The following DHTKD1 variants were observed in gnomAD, a reference collection of about 807,000 sequenced individuals.
The protein encoded by DHTKD1 is dehydrogenase E1 and transketolase domain containing 1.
A neutral mutation model predicts 101.8 loss-of-function variants in DHTKD1; 78 were observed. The ratio of observed to expected loss-of-function variants is 0.77; its 90% CI spans 0.64 to 0.93. The LOEUF (loss-of-function observed/expected upper bound fraction) is 0.93, where lower values mean the gene tolerates loss of function less well. Among genes scored for constraint, DHTKD1 ranks in the 40% least tolerant of loss-of-function variants. The pLI is 0.00. For synonymous variants in DHTKD1, 462 were observed against 450.3 expected (o/e 1.03, Z -0.33); for missense variants, 1,223 against 1,161.7 (o/e 1.05, Z -0.77).
chr10:12,084,908 AG>A (rs1475853020), intron 3 of DHTKD1, among the ~76,000 whole-genome samples, 157 bp downstream of exon 3: 1 of 152,126 alleles, frequency 6.6e-6, no homozygotes, highest in African/African-American at 2.4e-5. Context: ...AAAATTAGCC[AG>A]GCATGCTGGT....
chr10:12,093,834 G>A (rs1368337343), intron 6 of DHTKD1, among the ~76,000 whole-genome samples: 1 of 152,174 alleles, frequency 6.6e-6, no homozygotes, highest in Non-Finnish European at 1.5e-5. Flanking sequence ...TCACTAAGAG[G>A]TAGGAGCCCC....
rs185240347 is a variant in DHTKD1, at chr10:12,084,630, C to T, written c.401C>T (p.Thr134Ile). ...TACTGTGGGCAGATTTCTATTGAAA[C>T]CTCCCAACTTCAGAGCCAGGATGAG... ...QIYCGQISIETSQLQSQDEKD... is the reference protein window; with the variant it reads ...QIYCGQISIEISQLQSQDEKD... Residue 134 changes from threonine to isoleucine, a missense_variant, in exon 3 of 17, where the codon ACC (threonine) becomes ATC (isoleucine). Transcript: ENST00000263035. 1 of 1,613,812 alleles carries T rather than the reference C, an allele frequency of 6.2e-7. No individual in the cohort carries two copies. Among genetic ancestry groups the T allele is most frequent in the Non-Finnish European group, 8.5e-7 (1 of 1,179,728 alleles).
intron 5 of DHTKD1, 133 bp downstream of exon 5, chr10:12,089,388 T>C: frequency 1.1e-6 from 1 of 939,936 alleles, no homozygotes; most frequent in Non-Finnish European, 1.6e-6. Context: ...GATTCTGGGA[T>C]TGTTTTAAAA....
intron 1 of DHTKD1, 34 bp from the exon 2 acceptor site, chr10:12,081,433 CCTAAA>C (rs1423111414): frequency 6.3e-7 from 1 of 1,588,670 alleles, no homozygotes; most frequent in African/African-American, 1.3e-5. Context: ...GTAGTCATCT[CCTAAA>C]CTGTTTGCAT....
Position 12,120,179 on chromosome 10 carries a change from T to C in DHTKD1, c.2573-3T>C, listed in dbSNP as rs1564400756. 1.2e-6 allele frequency: 2 copies of C among 1,612,442 alleles called. No individual in the cohort carries two copies. The highest frequency in any genetic ancestry group is 1.3e-5 in the African/African-American group (1 of 74,974). On this transcript the variant is annotated splice_region_variant and splice_polypyrimidine_tract_variant and intron_variant, in intron 15 of 16. Transcript: ENST00000263035. The stretch of plus-strand genomic sequence containing the variant: ...GGTGCTGAAAGAATTTCTTCTCTCA[T>C]AGATCATATTTGGAGTCAGGAGGAA...
chr10:12,098,342 A>C (rs1309940950), intron 8 of DHTKD1, among the ~76,000 whole-genome samples: 1 of 152,210 alleles, frequency 6.6e-6, no homozygotes, highest in Non-Finnish European at 1.5e-5. Context: ...CTTAAATAAA[A>C]GAAACAAAAG....
At chr10:12,076,147 T>C (rs1832724125) in intron 1 of DHTKD1, among the ~76,000 whole-genome samples, 2 of 152,198 alleles carry the variant, frequency 1.3e-5, no homozygotes, top group Admixed American at 6.5e-5. Flanking sequence ...TTAGAGTGAG[T>C]GCATCAGGCA....
At chr10:12,074,324 G>T (rs991288434) in intron 1 of DHTKD1, among the ~76,000 whole-genome samples, 2 of 152,214 alleles carry the variant, frequency 1.3e-5, no homozygotes, top group Admixed American at 1.3e-4. Flanking sequence ...GAGATCACAG[G>T]CACGTGCCAC....
intron 5 of DHTKD1, among the ~76,000 whole-genome samples, chr10:12,089,560 CCTT>C (rs1253592004): frequency 2.0e-5 from 3 of 151,894 alleles, no homozygotes; most frequent in Admixed American, 6.6e-5. Context: ...GGAAGTATGG[CCTT>C]CTTGGAAACT....
intron 1 of DHTKD1, among the ~76,000 whole-genome samples, chr10:12,075,818 G>T (rs955192157): frequency 1.3e-5 from 2 of 151,568 alleles, no homozygotes; most frequent in East Asian, 3.9e-4. Context: ...GTTGAAGTAC[G>T]TTTTATCTAG....
intron 16 of DHTKD1, among the ~76,000 whole-genome samples, chr10:12,120,543 A>G (rs561157983): frequency 3.8e-4 from 58 of 152,050 alleles, no homozygotes; most frequent in African/African-American, 1.3e-3. Flanking sequence ...TCACCATGTT[A>G]GCCAGGATAG....
At position 12,089,221 on chromosome 10, in the gene DHTKD1, C is replaced by G; in HGVS notation, c.953C>G (p.Ser318Ter). ...RQDGDYSPDNSAQPGDRVICL... is the reference protein window; with the variant it reads ...RQDGDYSPDN The stretch of plus-strand genomic sequence containing the variant: ...GACGGCGATTACTCTCCAGACAACT[C>G]AGCCCAGCCGGGGGACAGGGTCATT... The change falls in exon 5 of 17, where the codon TCA becomes TGA. Residue 318 changes from serine (S) to a stop codon, truncating the protein, a stop_gained. Coordinates refer to ENST00000263035, the MANE Select transcript of DHTKD1 (RefSeq NM_018706.7). LOFTEE classifies it high-confidence loss of function. The G allele has an allele frequency of 1.9e-6, 3 of 1,614,194 alleles. No homozygotes were observed. Among genetic ancestry groups the G allele is most frequent in the Non-Finnish European group, 2.5e-6 (3 of 1,180,050 alleles).
intron 14 of DHTKD1, among the ~76,000 whole-genome samples, chr10:12,118,292 G>A (rs1399409357): frequency 1.3e-5 from 2 of 151,930 alleles, no homozygotes; most frequent in African/African-American, 4.8e-5. Flanking sequence ...CCCAGGAATA[G>A]CCTGTGACTG....
intron 6 of DHTKD1, among the ~76,000 whole-genome samples, chr10:12,093,467 A>AC (rs1353754439): frequency 2.0e-5 from 3 of 152,190 alleles, no homozygotes; most frequent in Admixed American, 2.0e-4. Flanking sequence ...ACAGGCGTGA[A>AC]CCACTGTGCC....
chr10:12,105,236 C>T (rs1833224560), intron 10 of DHTKD1, among the ~76,000 whole-genome samples: 1 of 152,056 alleles, frequency 6.6e-6, no homozygotes, highest in Non-Finnish European at 1.5e-5. Context: ...TTTTGATTTA[C>T]CATGCAAATA....
chr10:12,114,872 T>C (rs943424434), intron 13 of DHTKD1, among the ~76,000 whole-genome samples: 1 of 152,108 alleles, frequency 6.6e-6, no homozygotes, highest in South Asian at 2.1e-4. Flanking sequence ...CTCGGCTCAC[T>C]GCAAGCTCCG....
chr10:12,092,110 A>G (rs1196979179), intron 6 of DHTKD1, among the ~76,000 whole-genome samples: 2 of 151,662 alleles, frequency 1.3e-5, no homozygotes, highest in African/African-American at 4.8e-5. Flanking sequence ...CAGCCTCCCA[A>G]GTAGTTGGGA....
intron 10 of DHTKD1, among the ~76,000 whole-genome samples, chr10:12,104,871 A>G (rs965975711): frequency 6.9e-6 from 1 of 144,948 alleles, no homozygotes; most frequent in Admixed American, 7.1e-5. Context: ...AAGATCAACA[A>G]TTTTTTTTTC....
chr10:12,119,238 G>A (rs529189200), intron 15 of DHTKD1, among the ~76,000 whole-genome samples: 116 of 151,544 alleles, frequency 7.7e-4, no homozygotes, highest in African/African-American at 2.7e-3. Context: ...CCTGGGAGAC[G>A]GAGGTTGCAG....
Sources: allele counts gnomAD v4.1 joint callset (sites outside exome capture counted in the v4.1 genomes callset), GRCh38; gene constraint gnomAD v4.1.1; transcripts MANE v1.5; gene names NCBI Gene and HGNC (gene_info 2026-07-23, HGNC 2026-07-21).